Variants in AKR1E2 observed in about 807,000 individuals in gnomAD.
The protein encoded by AKR1E2 is 1,5-anhydro-D-fructose reductase.
In AKR1E2, 43 loss-of-function variants were observed where a neutral mutation model predicts 41.9. The ratio of observed to expected loss-of-function variants is 1.03; its 90% CI spans 0.80 to 1.32. The LOEUF is 1.32. Ranked by LOEUF, AKR1E2 falls within the 40% of genes most tolerant of loss-of-function variation. The probability of loss-of-function intolerance (pLI) is 0.00; values close to 1 mark genes in which losing one functional copy is unlikely to be tolerated. For missense variants in AKR1E2, 423 were observed against 396.5 expected (o/e 1.07, Z -0.57); for synonymous variants, 121 against 138.9 (o/e 0.87, Z 0.91).
upstream of AKR1E2, among the ~76,000 whole-genome samples, chr10:4,825,980 G>A (rs979997008): frequency 6.6e-6 from 1 of 152,226 alleles, no homozygotes; most frequent in African/African-American, 2.4e-5. Flanking sequence ...CTGCTCCTGC[G>A]TGGCTCTGCA....
At chr10:4,871,379 A>G in the AKR1E2 span, among the ~76,000 whole-genome samples, 3 of 152,132 alleles carry the variant, frequency 2.0e-5, no homozygotes, top group African/African-American at 7.2e-5. Flanking sequence ...GTAACTTTTA[A>G]AATTAAAACC....
chr10:4,871,763 G>A, the AKR1E2 span: 4 of 152,116 alleles, frequency 2.6e-5, no homozygotes, highest in East Asian at 1.9e-4. Context: ...TTTCTGATCC[G>A]GGGTCTTAGG....
the AKR1E2 span, among the ~76,000 whole-genome samples, chr10:4,865,457 C>G: frequency 1.6e-4 from 25 of 152,194 alleles, no homozygotes; most frequent in African/African-American, 5.3e-4. Context: ...AACATTGAAG[C>G]TAGCATTTGA....
intron 8 of AKR1E2, chr10:4,845,811 A>G (rs1425865603): frequency 1.1e-5 from 5 of 471,120 alleles, no homozygotes; most frequent in Non-Finnish European, 2.2e-5. Flanking sequence ...TGCCATCCTC[A>G]GGCAGTGAGA....
upstream of AKR1E2, chr10:4,825,036 C>T (rs1190364261): frequency 6.6e-5 from 30 of 455,468 alleles, no homozygotes; most frequent in Admixed American, 3.3e-4. Context: ...GCCCCGTGCA[C>T]AGGTGAGTGC....
At chr10:4,858,782 G>T in the AKR1E2 span, among the ~76,000 whole-genome samples, 2 of 151,764 alleles carry the variant, frequency 1.3e-5, no homozygotes, top group African/African-American at 4.8e-5. Context: ...GAAAAGGTGG[G>T]TAGAAATCAG....
the AKR1E2 span, among the ~76,000 whole-genome samples, chr10:4,869,582 C>T: frequency 6.6e-6 from 1 of 151,630 alleles, no homozygotes; most frequent in Admixed American, 6.6e-5. Context: ...TTTGCTCTAC[C>T]TTTTCTAGGT....
the AKR1E2 span, among the ~76,000 whole-genome samples, chr10:4,855,216 A>C: frequency 2.6e-5 from 4 of 152,186 alleles, no homozygotes; most frequent in African/African-American, 9.7e-5. Flanking sequence ...TGAATGGTAA[A>C]AATAACTGTT....
chr10:4,830,875 TG>T lies in AKR1E2; in HGVS notation c.207+36del, dbSNP rs1250262253. 4 of 1,612,328 alleles carry T rather than the reference TG, an allele frequency of 2.5e-6. 1 individual carries two copies. The highest frequency in any genetic ancestry group is 3.4e-6 in the Non-Finnish European group (4 of 1,178,978). On this transcript the variant is annotated intron_variant, in intron 2 of 9. Coordinates refer to ENST00000298375, the MANE Select transcript of AKR1E2 (RefSeq NM_001040177.3). ...TTCTCTATGCAAGGCTGGCAGAGCT[TG>T]GGTAATGCTACATCTCTGGAGGGCT...
Position 4,842,025 on chromosome 10 carries a change from T to C in AKR1E2, c.753+168T>C, listed in dbSNP as rs4593903. 0.035 allele frequency among the ~76,000 whole-genome samples: 5,304 copies of C among 152,256 alleles called. 149 individuals carry two copies. The highest frequency in any genetic ancestry group is 0.11 in the East Asian group (592 of 5,162). On this transcript the variant is annotated intron_variant, in intron 7 of 9. Coordinates refer to ENST00000298375, the MANE Select transcript of AKR1E2 (RefSeq NM_001040177.3). The stretch of plus-strand genomic sequence containing the variant: ...GCAGAATTTGGTCTGCAGCCGCATT[T>C]CTAGTCACTCAAGCCATGTACTCTT...
Position 4,841,874 on chromosome 10 carries a change from G to A in AKR1E2, c.753+17G>A. 1 of 1,610,230 alleles carries A rather than the reference G, an allele frequency of 6.2e-7. No homozygotes were observed. The highest frequency in any genetic ancestry group is 8.5e-7 in the Non-Finnish European group (1 of 1,178,166). Reference sequence around the variant, plus strand: ...CCTGCTCAGGTAGGGAGGGAGGGCTGTTCTGAGCCAGGTGGGGTTCTCTGA... The same window carrying A: ...CCTGCTCAGGTAGGGAGGGAGGGCTATTCTGAGCCAGGTGGGGTTCTCTGA... On this transcript the variant is annotated intron_variant, in intron 7 of 9. Transcript: ENST00000298375.
chr10:4,836,195 G>C (rs890908022), intron 4 of AKR1E2, among the ~76,000 whole-genome samples: 35 of 152,026 alleles, frequency 2.3e-4, no homozygotes, highest in Admixed American at 1.3e-4. Context: ...ATGTTTTATA[G>C]TTCCTTTTTC....
chr10:4,839,742 CAT>C lies in AKR1E2; in HGVS notation c.599_600del (p.Tyr200SerfsTer28). On this transcript the variant is annotated frameshift_variant, in exon 6 of 10. Coordinates refer to ENST00000298375, the MANE Select transcript of AKR1E2 (RefSeq NM_001040177.3). LOFTEE classifies it high-confidence loss of function. ...ATTCTGTTATAGATTGAGTGCCACC[CAT>C]ATCTTACTCAGAAGAATCTGATCAG... 1 of 1,613,770 alleles carries C rather than the reference CAT, an allele frequency of 6.2e-7. No homozygotes were observed.
intron 2 of AKR1E2, among the ~76,000 whole-genome samples, chr10:4,831,476 G>A (rs1387285747): frequency 6.6e-6 from 1 of 152,186 alleles, no homozygotes; most frequent in East Asian, 1.9e-4. Context: ...GTCTTACATG[G>A]TAGCAGACAA....
intron 3 of AKR1E2, among the ~76,000 whole-genome samples, chr10:4,835,029 C>T (rs1449090044): frequency 6.6e-6 from 1 of 152,228 alleles, no homozygotes; most frequent in African/African-American, 2.4e-5. Context: ...CAGGCTGGAA[C>T]ATGTGACATT....
At chr10:4,862,415 C>A in the AKR1E2 span, among the ~76,000 whole-genome samples, 1 of 152,194 alleles carries the variant, frequency 6.6e-6, no homozygotes, top group Non-Finnish European at 1.5e-5. Context: ...GCAATGCATG[C>A]TCTTTTTTGG....
the AKR1E2 span, among the ~76,000 whole-genome samples, chr10:4,869,549 T>C: frequency 6.6e-6 from 1 of 152,046 alleles, no homozygotes; most frequent in Non-Finnish European, 1.5e-5. Flanking sequence ...ATTATTTCCA[T>C]AGTTCTGCTT....
chr10:4,829,214 G>A (rs1262937565), intron 1 of AKR1E2, among the ~76,000 whole-genome samples: 1 of 152,050 alleles, frequency 6.6e-6, no homozygotes, highest in Admixed American at 6.6e-5. Flanking sequence ...ATCTAAACTG[G>A]TATTGAATCT....
downstream of AKR1E2, among the ~76,000 whole-genome samples, chr10:4,851,898 GT>G (rs1267249946): frequency 6.6e-6 from 1 of 151,916 alleles, no homozygotes; most frequent in Non-Finnish European, 1.5e-5. Flanking sequence ...AAATAAGAGG[GT>G]GAGACTTTTG....
Sources: allele counts gnomAD v4.1 joint callset (sites outside exome capture counted in the v4.1 genomes callset), GRCh38; gene constraint gnomAD v4.1.1; transcripts MANE v1.5; gene names NCBI Gene and HGNC (gene_info 2026-07-23, HGNC 2026-07-21).